Variants in FAM83G observed in about 807,000 individuals in gnomAD.
FAM83G encodes scaffolding CK1 anchoring protein G.
In FAM83G, 38 loss-of-function variants were observed where a neutral mutation model predicts 61.5. The observed-to-expected ratio is 0.62, with a 90% CI of 0.48 to 0.81. FAM83G has a LOEUF of 0.81. FAM83G is among the 30% of genes least tolerant of loss of function. The probability of loss-of-function intolerance (pLI) is 0.00; values close to 1 mark genes in which losing one functional copy is unlikely to be tolerated. For synonymous variants in FAM83G, 470 were observed against 476.1 expected, an observed-to-expected ratio of 0.99 and a Z score of 0.17; for missense variants, 989 against 1,133.6, an observed-to-expected ratio of 0.87 and a Z score of 1.83.
At chr17:18,983,002 G>C (rs762225264) in intron 3 of FAM83G, among the ~76,000 whole-genome samples, 6 of 152,254 alleles carry the variant, frequency 3.9e-5, no homozygotes, top group Non-Finnish European at 7.3e-5. Context: ...CCCAGTGGGT[G>C]CCCCATGAAC....
intron 2 of FAM83G, among the ~76,000 whole-genome samples, chr17:18,990,342 G>T (rs1004921946): frequency 4.6e-5 from 7 of 152,200 alleles, no homozygotes; most frequent in African/African-American, 1.7e-4. Context: ...GCAGGGGTGT[G>T]TGGTGGTAGC....
chr17:18,997,873 T>C (rs939673201), intron 2 of FAM83G, among the ~76,000 whole-genome samples: 7 of 152,234 alleles, frequency 4.6e-5, no homozygotes, highest in African/African-American at 1.7e-4. Flanking sequence ...CAGAGTGTTT[T>C]ACACACCACA....
At chr17:18,979,351 A>G (rs1417106320) in intron 4 of FAM83G, 198 bp downstream of exon 4, 1 of 693,248 alleles carries the variant, frequency 1.4e-6, no homozygotes, top group African/African-American at 1.8e-5. Flanking sequence ...CCAAGCTGGA[A>G]CAACAGCGTC....
intron 3 of FAM83G, among the ~76,000 whole-genome samples, chr17:18,980,891 C>T (rs2043113872): frequency 6.6e-6 from 1 of 152,180 alleles, no homozygotes; most frequent in African/African-American, 2.4e-5. Context: ...CCTGACTGGT[C>T]TGCCTGCATG....
At chr17:18,985,334 T>G (rs1037365631) in intron 3 of FAM83G, among the ~76,000 whole-genome samples, 1 of 152,186 alleles carries the variant, frequency 6.6e-6, no homozygotes, top group Admixed American at 6.5e-5. Flanking sequence ...AAGGTTACCA[T>G]GCAGGTGGCA....
intron 2 of FAM83G, among the ~76,000 whole-genome samples, chr17:18,992,489 G>A (rs920094769): frequency 3.3e-5 from 5 of 152,204 alleles, no homozygotes; most frequent in African/African-American, 9.7e-5. Flanking sequence ...CAGCAGACAC[G>A]GCCTGAAGCC....
At chr17:18,984,319 C>G (rs1567795537) in intron 3 of FAM83G, among the ~76,000 whole-genome samples, 1 of 124,494 alleles carries the variant, frequency 8.0e-6, no homozygotes, top group Non-Finnish European at 1.6e-5. Context: ...GGCGACAGAG[C>G]AAGACTCCCT....
intron 5 of FAM83G, among the ~76,000 whole-genome samples, chr17:18,972,304 G>T (rs2042874601): frequency 6.6e-6 from 1 of 152,144 alleles, no homozygotes. Flanking sequence ...CAGCCCCAGG[G>T]GTCCACCATA....
In FAM83G at chr17:19,003,487, G is replaced by A. The variant is rs2043786030; in HGVS notation, c.522+33C>T. On this transcript the variant is annotated intron_variant, in intron 2 of 5. Transcript: ENST00000388995. This position sits in a 1 kb window ranked among gnomAD's most constrained non-coding sequence, Gnocchi z 4.5. ...TGAGAGGGGTCCGGTGGCTGGTTGG[G>A]CCATGGCTCCAGGAGTCCCCGCGCT... 6.6e-7 allele frequency: 1 copy of A among 1,504,852 alleles called. No individual in the cohort carries two copies. Among genetic ancestry groups the A allele is most frequent in the South Asian group, 1.4e-5 (1 of 73,940 alleles). The allele number at this position is 1,504,852 out of a possible 1,614,324, so 93.2% of individuals were successfully genotyped here.
chr17:18,979,803 A>G (rs1299459146), intron 3 of FAM83G, 130 bp from the exon 4 acceptor site: 2 of 1,036,320 alleles, frequency 1.9e-6, no homozygotes, highest in Admixed American at 2.1e-5. Flanking sequence ...AGAGGCTGTA[A>G]GGCCTGGAGA....
Position 19,004,260 on chromosome 17 carries a change from C to G in FAM83G, c.-128-91G>C. 7.4e-6 allele frequency: 3 copies of G among 406,242 alleles called. No individual in the cohort carries two copies. The highest frequency in any genetic ancestry group is 4.6e-5 in the Admixed American group (1 of 21,660). 25.2% of individuals were successfully genotyped at this position (406,242 alleles called of 1,614,324 possible). On this transcript the variant is annotated intron_variant, in intron 1 of 5. Coordinates refer to ENST00000388995, the MANE Select transcript of FAM83G (RefSeq NM_001039999.3). The surrounding 1 kb of genome is among the most constrained non-coding windows in gnomAD (Gnocchi z 5.4). ...GGGCGGGGCCGGGAACTCAGGTGGG[C>G]GTGGGAAGGACGGGGCTGGGGCTGG... is the stretch of plus-strand genomic sequence containing the variant.
intron 2 of FAM83G, 102 bp from the exon 3 acceptor site, chr17:18,988,516 A>G: frequency 6.5e-7 from 1 of 1,547,552 alleles, no homozygotes; most frequent in South Asian, 1.2e-5. Flanking sequence ...AGCCTCTCAC[A>G]GGTGCCCACT....
In FAM83G at chr17:18,971,810, G is replaced by C. The variant is rs1179369486; in HGVS notation, c.2083-62C>G. ...AAGGGCCAACCCCGCCCCAGCACAG[G>C]ACCCTGCTCAGGCACACAGGAGCCG... On this transcript the variant is annotated intron_variant, in intron 5 of 5. Transcript: ENST00000388995. The surrounding 1 kb of genome is among the most constrained non-coding windows in gnomAD (Gnocchi z 5.5). 1 of 1,504,060 alleles carries C rather than the reference G, an allele frequency of 6.6e-7. No homozygotes were observed. Among genetic ancestry groups the C allele is most frequent in the Non-Finnish European group, 8.9e-7 (1 of 1,125,954 alleles). The allele number at this position is 1,504,060 out of a possible 1,614,324, so 93.2% of individuals were successfully genotyped here.
At chr17:19,001,232 C>T (rs933428015) in intron 2 of FAM83G, among the ~76,000 whole-genome samples, 3 of 152,226 alleles carry the variant, frequency 2.0e-5, no homozygotes, top group Non-Finnish European at 1.5e-5. Flanking sequence ...ACAGATGTGG[C>T]AGGGAAGGAA....
At chr17:18,976,756 T>C in intron 5 of FAM83G, 1 of 1,481,466 alleles carries the variant, frequency 6.8e-7, no homozygotes, top group East Asian at 2.4e-5. Flanking sequence ...TGGGACATCA[T>C]CGTGCCTCAT....
intron 5 of FAM83G, among the ~76,000 whole-genome samples, chr17:18,975,507 T>C (rs1038123831): frequency 7.8e-4 from 119 of 151,792 alleles, no homozygotes; most frequent in African/African-American, 2.8e-3. Context: ...CTGACCAACA[T>C]GGTAAAACCC....
rs2043570434 is a variant in FAM83G at position 18,996,278 on chromosome 17, C to A, written c.522+7242G>T. 6.6e-6 allele frequency among the ~76,000 whole-genome samples: 1 copy of A among 152,170 alleles called. No homozygotes were observed. Among genetic ancestry groups the A allele is most frequent in the Admixed American group, 6.5e-5 (1 of 15,280 alleles). The stretch of plus-strand genomic sequence containing the variant: ...CCCGCACTCCCTCCTCCAGCTGCAA[C>A]CCCCTCCTCCAGCAGCACGGTTGGG... On this transcript the variant is annotated intron_variant, in intron 2 of 5. Transcript: ENST00000388995. This position sits in a 1 kb window ranked among gnomAD's most constrained non-coding sequence, Gnocchi z 4.4.
chr17:18,989,669 C>T (rs371375633), intron 2 of FAM83G, among the ~76,000 whole-genome samples: 116 of 152,330 alleles, frequency 7.6e-4, no homozygotes, highest in African/African-American at 2.7e-3. Context: ...GGCGGGGGCT[C>T]GGTGATGCCC....
chr17:19,003,736 G>A lies in FAM83G; in HGVS notation c.306C>T (p.Ser102=). Residue 102 remains serine, a synonymous_variant, in exon 2 of 6, where the codon AGC becomes AGT. Coordinates refer to ENST00000388995, the MANE Select transcript of FAM83G (RefSeq NM_001039999.3). This position sits in a 1 kb window ranked among gnomAD's most constrained non-coding sequence, Gnocchi z 4.5. ...CCTCGATGGGGACCCCATCCGCCCC[G>A]CTGGCTTCCTCGCCGTCGCCGACCC... ...DNGVGDGEEA[S]GADGVPIEAE... The A allele has an allele frequency of 1.2e-6, 2 of 1,604,540 alleles. No homozygotes were observed. Among genetic ancestry groups the A allele is most frequent in the Non-Finnish European group, 1.7e-6 (2 of 1,175,574 alleles).
Sources: gnomAD v4.1 joint callset for allele counts (sites outside exome capture counted in the v4.1 genomes callset) on GRCh38, gnomAD v4.1.1 for gene constraint, Gnocchi (gnomAD v3.1) non-coding constraint, MANE v1.5 for transcripts, NCBI Gene and HGNC (gene_info 2026-07-23, HGNC 2026-07-21) for gene names.